The following AOPEP variants were observed in gnomAD, a reference collection of about 807,000 sequenced individuals.
The protein encoded by AOPEP is aminopeptidase O.
A neutral mutation model predicts 98.1 loss-of-function variants in AOPEP; 77 were observed. That is an observed-to-expected ratio of 0.78 (90% CI 0.65 to 0.95). AOPEP has a LOEUF of 0.95. Ranked by LOEUF, AOPEP falls within the 40% of genes least tolerant of loss-of-function variation. The pLI, the probability that AOPEP is intolerant of heterozygous loss-of-function variation, is 0.00. For missense variants in AOPEP, 1,024 were observed against 1,024.7 expected (o/e 1.00, Z 0.01); for synonymous variants, 346 against 365.3 (o/e 0.95, Z 0.60).
intron 5 of AOPEP, among the ~76,000 whole-genome samples, chr9:94,836,960 T>G (rs917106206): frequency 6.6e-6 from 1 of 152,110 alleles, no homozygotes; most frequent in African/African-American, 2.4e-5. Context: ...GAATTTTAAA[T>G]GAAACAAAAG....
chr9:94,790,310 G>A (rs1845425173), intron 3 of AOPEP, among the ~76,000 whole-genome samples: 1 of 151,970 alleles, frequency 6.6e-6, no homozygotes. Flanking sequence ...GGGATTACAG[G>A]CACGTGCCAT....
intron 5 of AOPEP, among the ~76,000 whole-genome samples, chr9:94,895,671 C>T (rs2049450041): frequency 6.6e-6 from 1 of 152,016 alleles, no homozygotes; most frequent in Non-Finnish European, 1.5e-5. Context: ...TCACTGCAGC[C>T]TCCGCCTCCT....
chr9:95,132,767 C>G, the AOPEP span, among the ~76,000 whole-genome samples: 4 of 152,180 alleles, frequency 2.6e-5, no homozygotes, highest in Non-Finnish European at 5.9e-5. Flanking sequence ...TGGAAAATAT[C>G]AGACCTGCGA....
intron 14 of AOPEP, among the ~76,000 whole-genome samples, chr9:95,079,669 G>T (rs1340361102): frequency 6.6e-6 from 1 of 152,266 alleles, no homozygotes; most frequent in East Asian, 1.9e-4. Flanking sequence ...CCTGTGTCCA[G>T]AGGGCGGCCA....
the AOPEP span, among the ~76,000 whole-genome samples, chr9:95,119,178 T>G: frequency 1.3e-5 from 2 of 152,238 alleles, no homozygotes; most frequent in African/African-American, 4.8e-5. Flanking sequence ...ATGTGCTTAC[T>G]GCCAACTTAT....
At chr9:94,820,687 AG>A (rs1308685605) in intron 5 of AOPEP, among the ~76,000 whole-genome samples, 2 of 152,240 alleles carry the variant, frequency 1.3e-5, no homozygotes, top group Non-Finnish European at 2.9e-5. Context: ...TGTGGGAGGT[AG>A]GGATGTGCCT....
rs372540846 is a variant in AOPEP at position 94,800,691 on chromosome 9, A to G, written c.1119-66A>G. The G allele has an allele frequency of 8.5e-4, 1,335 of 1,575,458 alleles. 21 individuals are homozygous for G. The South Asian group carries it at 0.014, about 16-fold the overall frequency. ...CTCCTAAAAGTTGTCTACATCTGCA[A>G]GATTGCCTCACCTCCACAGCAAGAA... On this transcript the variant is annotated intron_variant, in intron 4 of 16. Transcript: ENST00000375315.
chr9:94,809,099 A>G (rs1447146101), intron 5 of AOPEP, among the ~76,000 whole-genome samples: 1 of 152,256 alleles, frequency 6.6e-6, no homozygotes, highest in East Asian at 1.9e-4. Flanking sequence ...TGCTGTGGCC[A>G]TGAGGAAGTA....
intron 13 of AOPEP, among the ~76,000 whole-genome samples, chr9:95,032,781 G>A (rs2064431662): frequency 6.6e-6 from 1 of 152,224 alleles, no homozygotes; most frequent in Non-Finnish European, 1.5e-5. Flanking sequence ...GTTTGGAGTT[G>A]TTCCCACCTC....
intron 5 of AOPEP, among the ~76,000 whole-genome samples, chr9:94,845,365 G>A (rs1319710321): frequency 1.3e-5 from 2 of 152,188 alleles, no homozygotes; most frequent in East Asian, 3.9e-4. Context: ...AGTAAAACTG[G>A]AGAAGTTGCT....
At chr9:94,993,964 C>T (rs975573227) in intron 11 of AOPEP, among the ~76,000 whole-genome samples, 1 of 152,168 alleles carries the variant, frequency 6.6e-6, no homozygotes, top group Non-Finnish European at 1.5e-5. Flanking sequence ...CTGCCTCCCA[C>T]GTCAGGCAGC....
intron 5 of AOPEP, among the ~76,000 whole-genome samples, chr9:94,822,974 C>T (rs1292337882): frequency 6.8e-6 from 1 of 147,566 alleles, no homozygotes; most frequent in African/African-American, 2.5e-5. Context: ...GCCACAATTT[C>T]ACTCACCTGT....
intron 5 of AOPEP, among the ~76,000 whole-genome samples, chr9:94,812,256 A>G (rs903480946): frequency 1.3e-5 from 2 of 152,154 alleles, no homozygotes; most frequent in African/African-American, 4.8e-5. Context: ...ACCACCAGCA[A>G]TGTGCTCCAC....
At chr9:94,804,418 G>C (rs1172295990) in intron 5 of AOPEP, among the ~76,000 whole-genome samples, 1 of 152,182 alleles carries the variant, frequency 6.6e-6, no homozygotes, top group East Asian at 1.9e-4. Context: ...TTATTTCAGA[G>C]TGGTTTTCTG....
intron 5 of AOPEP, among the ~76,000 whole-genome samples, chr9:94,839,327 A>G (rs1326251088): frequency 2.0e-5 from 3 of 151,912 alleles, no homozygotes; most frequent in Admixed American, 6.6e-5. Flanking sequence ...TGACCATGTG[A>G]TCCGCCCACC....
intron 6 of AOPEP, among the ~76,000 whole-genome samples, chr9:94,924,889 C>T (rs1232010240): frequency 6.6e-6 from 1 of 152,244 alleles, no homozygotes; most frequent in Non-Finnish European, 1.5e-5. Flanking sequence ...CTGGTGCACA[C>T]GCTCCCAGTT....
chr9:94,881,608 G>T (rs548897690), intron 5 of AOPEP, among the ~76,000 whole-genome samples: 3 of 152,186 alleles, frequency 2.0e-5, no homozygotes, highest in African/African-American at 4.8e-5. Context: ...TCCCATCCAG[G>T]TTTATGTTTT....
At chr9:94,826,059 T>A (rs1001257342) in intron 5 of AOPEP, among the ~76,000 whole-genome samples, 23 of 152,156 alleles carry the variant, frequency 1.5e-4, no homozygotes, top group Non-Finnish European at 1.8e-4. Flanking sequence ...TTTTTTTTTA[T>A]GTCTTCAAAG....
At chr9:95,017,624 C>T (rs1450568043) in intron 13 of AOPEP, among the ~76,000 whole-genome samples, 1 of 152,202 alleles carries the variant, frequency 6.6e-6, no homozygotes, top group Non-Finnish European at 1.5e-5. Flanking sequence ...TTCTGAGTCT[C>T]GCTCTTAATG....
Sources: gnomAD v4.1 joint callset for allele counts (sites outside exome capture counted in the v4.1 genomes callset) on GRCh38, gnomAD v4.1.1 for gene constraint, MANE v1.5 for transcripts, NCBI Gene and HGNC (gene_info 2026-07-23, HGNC 2026-07-21) for gene names.